Variants in PARVB observed in about 807,000 individuals in gnomAD.
PARVB encodes beta-parvin.
In PARVB, 46 loss-of-function variants were observed where a neutral mutation model predicts 47.0. The observed-to-expected ratio is 0.98, with a 90% confidence interval of 0.77 to 1.25. PARVB has a LOEUF of 1.25. Among genes scored for constraint, PARVB ranks in the 50% most tolerant of loss-of-function variants. The pLI is 0.00. For synonymous variants in PARVB, 196 were observed against 196.3 expected (o/e 1.00, Z 0.01); for missense variants, 473 against 471.6 (o/e 1.00, Z -0.03).
chr22:44,066,656 G>A (rs759252717), intron 1 of PARVB, among the ~76,000 whole-genome samples: 1 of 152,132 alleles, frequency 6.6e-6, no homozygotes, highest in Non-Finnish European at 1.5e-5. Context: ...ACAGCCTGTC[G>A]ACCACTCACT....
intron 1 of PARVB, among the ~76,000 whole-genome samples, chr22:44,050,627 T>G (rs2051192201): frequency 6.6e-6 from 1 of 152,156 alleles, no homozygotes; most frequent in African/African-American, 2.4e-5. Flanking sequence ...TGTGAGCCAC[T>G]GCGCCTGGCC....
chr22:44,133,645 C>T (rs1680960173), intron 6 of PARVB, among the ~76,000 whole-genome samples: 2 of 152,196 alleles, frequency 1.3e-5, no homozygotes, highest in South Asian at 4.1e-4. Context: ...CTCAAGCGGT[C>T]CTCCCGCCTC....
At chr22:43,999,221 A>G (rs901009769) in exon 1 of PARVB, 2 of 766,608 alleles carry the variant, frequency 2.6e-6, no homozygotes, top group Non-Finnish European at 4.2e-6. Context: ...CAAAGGCCCT[A>G]CACTTTGACG....
At chr22:44,037,049 A>C (rs1484894910) in intron 1 of PARVB, among the ~76,000 whole-genome samples, 2 of 148,488 alleles carry the variant, frequency 1.3e-5, no homozygotes, top group Non-Finnish European at 3.0e-5. Context: ...GATTAAAAAC[A>C]AAAAAAAAAT....
intron 10 of PARVB, among the ~76,000 whole-genome samples, chr22:44,156,905 G>C (rs753346500): frequency 1.3e-5 from 2 of 152,190 alleles, no homozygotes; most frequent in African/African-American, 2.4e-5. Flanking sequence ...GGGGGACAGA[G>C]TGTCACTTTG....
At chr22:44,084,435 G>T (rs2051977373) in intron 1 of PARVB, among the ~76,000 whole-genome samples, 2 of 152,212 alleles carry the variant, frequency 1.3e-5, no homozygotes, top group Admixed American at 1.3e-4. Context: ...AAGGGGAGAG[G>T]CTGGGCTGGG....
chr22:44,100,094 G>A lies in PARVB; in HGVS notation c.244G>A (p.Glu82Lys). 1 of 1,614,100 alleles carries A rather than the reference G, an allele frequency of 6.2e-7. No homozygotes were observed. The highest frequency in any genetic ancestry group is 8.5e-7 in the Non-Finnish European group (1 of 1,179,962). The change falls in exon 3 of 13, where the codon GAA becomes AAA. Residue 82 changes from glutamate to lysine, a missense_variant. By Grantham distance (56) the Glu-to-Lys change is moderately conservative. Transcript: ENST00000338758. ...CACGATGATTGACCCCACTTCCAAGGAAGACCCCAAGTTCAAGGAACTGGT... is the reference window on the plus strand; with the variant it reads ...CACGATGATTGACCCCACTTCCAAGAAAGACCCCAAGTTCAAGGAACTGGT... ...ERTMIDPTSKEDPKFKELVKV... is the reference protein window; with the variant it reads ...ERTMIDPTSKKDPKFKELVKV...
In PARVB at chr22:44,155,251, A is replaced by C. The variant is rs112551684; in HGVS notation, c.844-2731A>C. On this transcript the variant is annotated intron_variant, in intron 10 of 12. Coordinates refer to ENST00000338758, the MANE Select transcript of PARVB (RefSeq NM_013327.5). The surrounding 1 kb of genome is among the most constrained non-coding windows in gnomAD (Gnocchi z 4.8). Reference sequence around the variant, plus strand: ...GAGGACTGGGTGAGATGGCGCACTGAGATCAAGTGGGCAGGGCTCGGCAGG... The same window carrying C: ...GAGGACTGGGTGAGATGGCGCACTGCGATCAAGTGGGCAGGGCTCGGCAGG... Among the ~76,000 whole-genome samples, 4,601 of 152,162 alleles carry C rather than the reference A, an allele frequency of 0.03. 225 individuals carry two copies. The highest frequency in any genetic ancestry group is 0.097 in the African/African-American group (4,036 of 41,506).
chr22:44,020,329 A>G (rs887078951), upstream of PARVB, among the ~76,000 whole-genome samples: 1 of 152,084 alleles, frequency 6.6e-6, no homozygotes, highest in Non-Finnish European at 1.5e-5. Flanking sequence ...GGCATATGCC[A>G]TTACACCCAG....
Position 44,123,603 on chromosome 22 carries a change from C to T in PARVB, c.376+4463C>T, listed in dbSNP as rs571580630. Among the ~76,000 whole-genome samples the T allele has an allele frequency of 3.9e-5, 6 of 152,248 alleles. No homozygotes were observed. The South Asian group carries it at 6.2e-4, about 16-fold the overall frequency. On this transcript the variant is annotated intron_variant, in intron 4 of 12. Transcript: ENST00000338758. ...TTATTTTTTGTATTTTTTATAGATACGAGGCTTTGCCATGTTGCCCAGGCT... is the reference window on the plus strand; with the variant it reads ...TTATTTTTTGTATTTTTTATAGATATGAGGCTTTGCCATGTTGCCCAGGCT...
chr22:44,069,152 C>G, intron 1 of PARVB: 1 of 1,612,550 alleles, frequency 6.2e-7, no homozygotes, highest in South Asian at 1.1e-5. Context: ...CCAGCTGCAC[C>G]CTCCTCGCCA....
In PARVB at chr22:44,052,346, A is replaced by C. The variant is rs1265680829; in HGVS notation, c.112+27895A>C. On this transcript the variant is annotated intron_variant, in intron 1 of 12. Transcript: ENST00000338758. Reference sequence around the variant, plus strand: ...GGACCTGCATAAATTGTGGTTCGACAGCACCGGGAGAAAGAAGGCCCGGGC... The same window carrying C: ...GGACCTGCATAAATTGTGGTTCGACCGCACCGGGAGAAAGAAGGCCCGGGC... Among the ~76,000 whole-genome samples, 3 of 152,198 alleles carry C rather than the reference A, an allele frequency of 2.0e-5. No homozygotes were observed. In the East Asian group the frequency reaches 5.8e-4, roughly 29 times the overall value.
At chr22:44,033,536 C>CGCGG (rs1438258696) in intron 1 of PARVB, among the ~76,000 whole-genome samples, 1 of 152,170 alleles carries the variant, frequency 6.6e-6, no homozygotes, top group East Asian at 1.9e-4. Flanking sequence ...GAGTTCTTTA[C>CGCGG]GCTTGCCTGA....
chr22:44,021,086 CT>C (rs1445730330), upstream of PARVB, among the ~76,000 whole-genome samples: 1 of 152,196 alleles, frequency 6.6e-6, no homozygotes, highest in African/African-American at 2.4e-5. Context: ...CCTGGCCCCC[CT>C]TTTGGGTTTT....
intron 7 of PARVB, among the ~76,000 whole-genome samples, chr22:44,138,565 A>G (rs2053489252): frequency 6.6e-6 from 1 of 152,128 alleles, no homozygotes; most frequent in Non-Finnish European, 1.5e-5. Flanking sequence ...GAACATTTGA[A>G]TCATTGGATG....
chr22:44,159,461 C>G (rs979723620), intron 11 of PARVB, among the ~76,000 whole-genome samples: 31 of 152,170 alleles, frequency 2.0e-4, no homozygotes, highest in Admixed American at 1.4e-3. Context: ...AGGCTTGAGT[C>G]ATCTGCCTTC....
intron 5 of PARVB, among the ~76,000 whole-genome samples, chr22:44,132,034 A>G (rs182589842): frequency 1.3e-4 from 20 of 152,248 alleles, no homozygotes; most frequent in Non-Finnish European, 2.5e-4. Context: ...ACATCACGGT[A>G]TTTTCAGCCA....
intron 2 of PARVB, among the ~76,000 whole-genome samples, chr22:44,019,256 G>C (rs2050618977): frequency 6.6e-6 from 1 of 151,026 alleles, no homozygotes; most frequent in African/African-American, 2.4e-5. Context: ...GTCTTTCTCT[G>C]TTGCCCAGGC....
chr22:44,068,402 A>G lies in PARVB; in HGVS notation c.113-25526A>G, dbSNP rs532865020. Among the ~76,000 whole-genome samples the G allele has an allele frequency of 5.5e-4, 83 of 152,240 alleles. No individual in the cohort carries two copies. Among genetic ancestry groups the G allele is most frequent in the Middle Eastern group, 6.8e-3 (2 of 294 alleles). ...CCAGGAGAGGGTTCAGGCCGAGGAA[A>G]GGGGGAGCAAGTTGCCGGCCAAGGT... On this transcript the variant is annotated intron_variant, in intron 1 of 12. Transcript: ENST00000338758. This position sits in a 1 kb window ranked among gnomAD's most constrained non-coding sequence, Gnocchi z 4.1.
Sources: allele counts gnomAD v4.1 joint callset (sites outside exome capture counted in the v4.1 genomes callset), GRCh38; gene constraint gnomAD v4.1.1; non-coding constraint Gnocchi (gnomAD v3.1); transcripts MANE v1.5; gene names NCBI Gene and HGNC (gene_info 2026-07-23, HGNC 2026-07-21).